Variants in CEACAM20 observed in about 807,000 individuals in gnomAD.
The protein encoded by CEACAM20 is CEA cell adhesion molecule 20, also known as cell adhesion molecule CEACAM20.
Under a neutral mutation model 61.2 loss-of-function variants are expected in CEACAM20, and 50 were observed. The observed-to-expected ratio is 0.82, with a 90% CI of 0.65 to 1.03. The LOEUF (loss-of-function observed/expected upper bound fraction) is 1.03, where lower values mean the gene tolerates loss of function less well. Ranked by LOEUF, CEACAM20 falls within the 50% of genes least tolerant of loss-of-function variation. The pLI, the probability that CEACAM20 is intolerant of heterozygous loss-of-function variation, is 0.00. For synonymous variants in CEACAM20, 282 were observed against 287.7 expected (o/e 0.98, Z 0.20); for missense variants, 683 against 736.4 (o/e 0.93, Z 0.84).
chr19:44,511,724 C>T (rs921788048), intron 9 of CEACAM20, 52 bp from the exon 10 acceptor site: 2 of 1,574,378 alleles, frequency 1.3e-6, no homozygotes, highest in African/African-American at 2.7e-5. Context: ...ATAGGGGCTA[C>T]CCCAAGAGAT....
chr19:44,529,351 A>C, intron 1 of CEACAM20, 107 bp downstream of exon 1: 1 of 887,556 alleles, frequency 1.1e-6, no homozygotes, highest in Non-Finnish European at 1.7e-6. Flanking sequence ...TTTTTCCTCG[A>C]GTGCACACAC....
chr19:44,508,010 GAAC>G (rs540083941), intron 11 of CEACAM20, among the ~76,000 whole-genome samples: 20 of 152,224 alleles, frequency 1.3e-4, no homozygotes, highest in South Asian at 4.1e-4. Flanking sequence ...GTGCCCTCTG[GAAC>G]AACAAGGAAC....
At chr19:44,526,650 G>A (rs1040626551) in intron 1 of CEACAM20, among the ~76,000 whole-genome samples, 4 of 152,114 alleles carry the variant, frequency 2.6e-5, no homozygotes, top group Non-Finnish European at 5.9e-5. Flanking sequence ...GCGGAGGTGG[G>A]TGGATCACTT....
rs754912537 is a variant in CEACAM20, at chr19:44,511,080, G to C, written c.1687C>G (p.Pro563Ala). 7.4e-6 allele frequency: 12 copies of C among 1,613,924 alleles called. No homozygotes were observed. In the East Asian group the frequency reaches 2.5e-4, roughly 33 times the overall value. Reference sequence around the variant, plus strand: ...GGCACAGTGGAGACCAATCTGAGTGGGGGCATCAGAGGTTTGGGTGGTGGC... The same window carrying C: ...GGCACAGTGGAGACCAATCTGAGTGCGGGCATCAGAGGTTTGGGTGGTGGC... ...WKPPPKPLMP[P>A]LRLVSTVPKN... is the part of the protein sequence containing the mutation. The change falls in exon 11 of 12, where the codon CCA becomes GCA. Residue 563 changes from proline (P) to alanine (A), a missense_variant. Pro to Ala is a conservative substitution (Grantham distance 27). Coordinates refer to ENST00000614924, the MANE Select transcript of CEACAM20 (RefSeq NM_001102597.3).
At chr19:44,511,941 G>GC in intron 9 of CEACAM20, 76 bp downstream of exon 9, 1 of 1,370,516 alleles carries the variant, frequency 7.3e-7, no homozygotes, top group Non-Finnish European at 1.0e-6. Flanking sequence ...GATCATGCCA[G>GC]CCCCCACCCT....
intron 11 of CEACAM20, among the ~76,000 whole-genome samples, chr19:44,510,281 G>A (rs1477028536): frequency 1.3e-5 from 2 of 151,972 alleles, no homozygotes; most frequent in East Asian, 1.9e-4. Flanking sequence ...GGAGGCCAAG[G>A]CGGGCAGATC....
intron 4 of CEACAM20, 92 bp from the exon 5 acceptor site, chr19:44,520,844 G>T: frequency 9.0e-7 from 1 of 1,114,174 alleles, no homozygotes. Context: ...AGGAGTGCGT[G>T]CGTGTGTGTG....
At chr19:44,510,969 G>T (rs895545413) in intron 11 of CEACAM20, 61 bp downstream of exon 11, 6 of 1,607,382 alleles carry the variant, frequency 3.7e-6, no homozygotes, top group Non-Finnish European at 5.1e-6. Flanking sequence ...TAGTAGGGAA[G>T]AAAAAGCAGA....
intron 9 of CEACAM20, 75 bp downstream of exon 9, chr19:44,511,942 C>T: frequency 1.5e-6 from 2 of 1,375,748 alleles, no homozygotes; most frequent in Non-Finnish European, 2.0e-6. Flanking sequence ...ATCATGCCAG[C>T]CCCCACCCTA....
At chr19:44,510,611 A>AG (rs71171251) in intron 11 of CEACAM20, among the ~76,000 whole-genome samples, 4 of 72,414 alleles carry the variant, frequency 5.5e-5, no homozygotes, top group Non-Finnish European at 7.8e-5. Flanking sequence ...AAAGAAAGAA[A>AG]AAGGAAGGAA....
At chr19:44,528,397 T>C (rs1971601732) in intron 1 of CEACAM20, among the ~76,000 whole-genome samples, 1 of 151,994 alleles carries the variant, frequency 6.6e-6, no homozygotes, top group Non-Finnish European at 1.5e-5. Flanking sequence ...TCAGCTAATT[T>C]TCGTATTTTT....
At chr19:44,519,863 C>T (rs758863848) in intron 5 of CEACAM20, among the ~76,000 whole-genome samples, 1 of 152,190 alleles carries the variant, frequency 6.6e-6, no homozygotes, top group Non-Finnish European at 1.5e-5. Flanking sequence ...TACCTGAGTG[C>T]ATCCAGGAAA....
rs770524597 is a variant in CEACAM20 at position 44,520,669 on chromosome 19, C to G, written c.835G>C (p.Val279Leu). The part of the protein sequence containing the change: ...ARSVDLTCQT[V>L]NQSVNVQWFL... ...CACTGGACATTCACACTCTGATTGA[C>G]GGTTTGGCAGGTCAGGTCCACAGAC... The change falls in exon 5 of 12, where the codon GTC becomes CTC. Residue 279 changes from valine (V) to leucine (L), a missense_variant. Val to Leu is a conservative substitution (Grantham distance 32). Transcript: ENST00000614924. 3 of 1,613,876 alleles carry G rather than the reference C, an allele frequency of 1.9e-6. No homozygotes were observed. The highest frequency in any genetic ancestry group is 2.5e-6 in the Non-Finnish European group (3 of 1,179,892).
intron 4 of CEACAM20, among the ~76,000 whole-genome samples, chr19:44,521,825 G>A (rs1051497675): frequency 2.6e-5 from 4 of 152,106 alleles, no homozygotes; most frequent in East Asian, 1.9e-4. Context: ...TATTGTACAT[G>A]CACGTGAGTG....
rs17727766 is a variant in CEACAM20 at position 44,512,221 on chromosome 19, C to G, written c.1514-143G>C. 3,206 of 687,004 alleles carry G rather than the reference C, an allele frequency of 4.7e-3. 119 individuals carry two copies. The East Asian group carries it at 0.079, about 17-fold the overall frequency. The allele number at this position is 687,004 out of a possible 1,614,324, so 42.6% of individuals were successfully genotyped here. ...CTGTCATATTTCCAGTGAGCTTGACCAGGAATGTCCTGGCAATCAAGGTCT... is the reference window on the plus strand; with the variant it reads ...CTGTCATATTTCCAGTGAGCTTGACGAGGAATGTCCTGGCAATCAAGGTCT... On this transcript the variant is annotated intron_variant, in intron 8 of 11. Coordinates refer to ENST00000614924, the MANE Select transcript of CEACAM20 (RefSeq NM_001102597.3).
In CEACAM20 at chr19:44,528,220, C is replaced by T. The variant is rs1035903175; in HGVS notation, c.52+1238G>A. On this transcript the variant is annotated intron_variant, in intron 1 of 11. Transcript: ENST00000614924. The stretch of plus-strand genomic sequence containing the variant: ...TCCTTTCTTTCTCTCTCTCCCTTTC[C>T]CTCTTTCTTTCTTCTTTTTCTTTTT... Among the ~76,000 whole-genome samples the T allele has an allele frequency of 2.9e-5, 4 of 136,648 alleles. No individual in the cohort carries two copies. The South Asian group carries it at 7.0e-4, about 24-fold the overall frequency. 89.6% of individuals were successfully genotyped at this position (136,648 alleles called of 152,430 possible).
At chr19:44,524,701 TCCCAAATA>T (rs1971474549) in intron 2 of CEACAM20, among the ~76,000 whole-genome samples, 1 of 152,058 alleles carries the variant, frequency 6.6e-6, no homozygotes, top group South Asian at 2.1e-4. Flanking sequence ...CACCTCAGCT[TCCCAAATA>T]GCTGGGACTA....
chr19:44,524,330 G>A (rs967189664), intron 2 of CEACAM20, 69 bp from the exon 3 acceptor site: 2 of 1,494,978 alleles, frequency 1.3e-6, no homozygotes, highest in African/African-American at 2.8e-5. Context: ...CATAGTCACA[G>A]AGGGACCCAG....
At chr19:44,508,550 C>T (rs1159857022) in intron 11 of CEACAM20, among the ~76,000 whole-genome samples, 1 of 152,046 alleles carries the variant, frequency 6.6e-6, no homozygotes, top group Non-Finnish European at 1.5e-5. Flanking sequence ...CCACCATGCC[C>T]AGCTAATTTT....
Sources: allele counts gnomAD v4.1 joint callset (sites outside exome capture counted in the v4.1 genomes callset), GRCh38; gene constraint gnomAD v4.1.1; transcripts MANE v1.5; gene names NCBI Gene and HGNC (gene_info 2026-07-23, HGNC 2026-07-21).